Variants in DCT observed in about 807,000 individuals in gnomAD.
DCT encodes dopachrome tautomerase.
Under a neutral mutation model 53.0 loss-of-function variants are expected in DCT, and 47 were observed. The observed-to-expected ratio is 0.89, with a 90% confidence interval of 0.70 to 1.13. The LOEUF (loss-of-function observed/expected upper bound fraction) is 1.13. Ranked by LOEUF, DCT falls within the 50% of genes most tolerant of loss-of-function variation. The pLI is 0.00. For synonymous variants in DCT, 244 were observed against 237.0 expected (o/e 1.03, Z -0.27); for missense variants, 669 against 637.4 (o/e 1.05, Z -0.53).
intron 6 of DCT, among the ~76,000 whole-genome samples, chr13:94,448,243 TCAACAACAACAA>T (rs527876661): frequency 6.6e-6 from 1 of 151,636 alleles, no homozygotes; most frequent in South Asian, 2.1e-4. Context: ...AGATACTGTC[TCAACAACAACAA>T]CAACAACAAC....
the DCT span, among the ~76,000 whole-genome samples, chr13:94,529,448 C>T: frequency 0.4 from 61,382 of 152,036 alleles, 13,122 homozygotes; most frequent in East Asian, 0.62. Context: ...GTCTCTCACA[C>T]CACAGGGCAA....
chr13:94,470,617 ACTC>A (rs986862796), intron 1 of DCT, among the ~76,000 whole-genome samples: 10 of 151,382 alleles, frequency 6.6e-5, no homozygotes, highest in African/African-American at 2.2e-4. Flanking sequence ...CAGCTCACTT[ACTC>A]CTCCTCCTCT....
At chr13:94,488,085 C>T in the DCT span, among the ~76,000 whole-genome samples, 1 of 152,062 alleles carries the variant, frequency 6.6e-6, no homozygotes, top group African/African-American at 2.4e-5. Context: ...ATTTGCTATG[C>T]ACACTGTGCC....
intron 7 of DCT, among the ~76,000 whole-genome samples, chr13:94,440,922 C>A (rs1411600487): frequency 6.6e-6 from 1 of 152,068 alleles, no homozygotes; most frequent in Non-Finnish European, 1.5e-5. Flanking sequence ...TGCAGGGAAT[C>A]CACCTGCCTC....
At chr13:94,446,035 CT>C (rs1882705995) in intron 6 of DCT, among the ~76,000 whole-genome samples, 1 of 152,142 alleles carries the variant, frequency 6.6e-6, no homozygotes, top group Non-Finnish European at 1.5e-5. Context: ...CTGCTGCCCC[CT>C]GGGTGGGAGG....
At chr13:94,465,878 A>G in intron 3 of DCT, 79 bp from the exon 4 acceptor site, 1 of 1,186,472 alleles carries the variant, frequency 8.4e-7, no homozygotes. Flanking sequence ...AAAGGCTGAT[A>G]TGTATCTGAA....
chr13:94,470,102 GAAGAGAAAGA>G (rs929593255), intron 1 of DCT, among the ~76,000 whole-genome samples: 1 of 151,316 alleles, frequency 6.6e-6, no homozygotes, highest in Non-Finnish European at 1.5e-5. Flanking sequence ...AGAAAGAAAG[GAAGAGAAAGA>G]AAGAGAGAGA....
At chr13:94,444,830 C>T (rs1882615253) in intron 6 of DCT, among the ~76,000 whole-genome samples, 1 of 152,346 alleles carries the variant, frequency 6.6e-6, no homozygotes, top group East Asian at 1.9e-4. Flanking sequence ...TCAAATGATA[C>T]TATAACTTGT....
the DCT span, among the ~76,000 whole-genome samples, chr13:94,526,031 G>A: frequency 6.6e-6 from 1 of 152,240 alleles, no homozygotes; most frequent in Non-Finnish European, 1.5e-5. Flanking sequence ...CCAATTTGAT[G>A]AGCACACTGA....
intron 5 of DCT, 33 bp downstream of exon 5, chr13:94,461,977 A>G (rs1883820912): frequency 1.3e-6 from 2 of 1,593,322 alleles, no homozygotes; most frequent in Non-Finnish European, 1.7e-6. Context: ...CCTGTACTGT[A>G]CAGGCAGGTC....
At chr13:94,530,604 A>C in the DCT span, among the ~76,000 whole-genome samples, 4 of 152,202 alleles carry the variant, frequency 2.6e-5, no homozygotes, top group African/African-American at 9.7e-5. Context: ...TCGTGCTAAA[A>C]ACTCTCAGTA....
chr13:94,452,652 T>C, intron 6 of DCT: 1 of 764,552 alleles, frequency 1.3e-6, no homozygotes, highest in Non-Finnish European at 2.4e-6. Flanking sequence ...AAGCAAACGA[T>C]TAGAAATCAC....
At chr13:94,514,642 A>G in the DCT span, among the ~76,000 whole-genome samples, 2 of 152,218 alleles carry the variant, frequency 1.3e-5, no homozygotes, top group Non-Finnish European at 2.9e-5. Flanking sequence ...CAAAGGGACC[A>G]GCAGGAAGAA....
intron 6 of DCT, among the ~76,000 whole-genome samples, chr13:94,459,089 G>A (rs1011631619): frequency 6.6e-6 from 1 of 151,890 alleles, no homozygotes; most frequent in African/African-American, 2.4e-5. Flanking sequence ...ATGTTGCCCA[G>A]GCTGGTCTTG....
intron 7 of DCT, among the ~76,000 whole-genome samples, chr13:94,442,017 AT>A (rs112411541): frequency 2.6e-5 from 4 of 151,014 alleles, no homozygotes; most frequent in South Asian, 2.1e-4. Context: ...ACTATTTTCT[AT>A]TTTTTTTTGA....
the DCT span, among the ~76,000 whole-genome samples, chr13:94,514,737 G>A: frequency 6.6e-6 from 1 of 152,226 alleles, no homozygotes; most frequent in Non-Finnish European, 1.5e-5. Context: ...ACAAAAGATG[G>A]ACGTGGAGAC....
At chr13:94,497,612 C>G in the DCT span, among the ~76,000 whole-genome samples, 62,708 of 151,898 alleles carry the variant, frequency 0.41, 13,077 homozygotes, top group East Asian at 0.62. Flanking sequence ...AAAATCATGA[C>G]GAAGAGAAAT....
At chr13:94,507,525 G>C in the DCT span, among the ~76,000 whole-genome samples, 1 of 142,012 alleles carries the variant, frequency 7.0e-6, no homozygotes, top group Admixed American at 7.2e-5. Context: ...TTTTGAGACA[G>C]TGTCTTTCTC....
At chr13:94,451,535 C>T (rs1215997686) in intron 6 of DCT, among the ~76,000 whole-genome samples, 1 of 152,200 alleles carries the variant, frequency 6.6e-6, no homozygotes, top group African/African-American at 2.4e-5. Context: ...TGACACATTT[C>T]TTAGCCTCTC....
Sources: gnomAD v4.1 joint callset for allele counts (sites outside exome capture counted in the v4.1 genomes callset) on GRCh38, gnomAD v4.1.1 for gene constraint, MANE v1.5 for transcripts, NCBI Gene and HGNC (gene_info 2026-07-23, HGNC 2026-07-21) for gene names.